The following NCOA7 variants were observed in gnomAD, a reference collection of about 807,000 sequenced individuals.
The protein encoded by NCOA7 is nuclear receptor coactivator 7, also known as 140 kDa estrogen receptor-associated protein.
A neutral mutation model predicts 104.3 loss-of-function variants in NCOA7; 45 were observed. That is an observed-to-expected ratio of 0.43 (90% CI 0.34 to 0.55). The LOEUF (loss-of-function observed/expected upper bound fraction) is 0.55. NCOA7 is among the 20% of genes least tolerant of loss of function. The pLI is 0.02. For synonymous variants in NCOA7, 398 were observed against 402.3 expected (o/e 0.99, Z 0.13); for missense variants, 1,041 against 1,119.7 (o/e 0.93, Z 1.00).
At chr6:125,829,923 C>T (rs888512088) in intron 2 of NCOA7, among the ~76,000 whole-genome samples, 17 of 152,134 alleles carry the variant, frequency 1.1e-4, no homozygotes, top group African/African-American at 3.9e-4. Context: ...AGGCATCATG[C>T]CTAATTTCAG....
At chr6:125,810,539 C>A (rs1050160821) in intron 1 of NCOA7, among the ~76,000 whole-genome samples, 17 of 152,096 alleles carry the variant, frequency 1.1e-4, no homozygotes, top group African/African-American at 3.1e-4. Context: ...TTAGATGAGT[C>A]TAGAGTGTAT....
At chr6:125,830,895 G>C (rs1462102082) in intron 2 of NCOA7, among the ~76,000 whole-genome samples, 1 of 151,846 alleles carries the variant, frequency 6.6e-6, no homozygotes, top group African/African-American at 2.4e-5. Context: ...CATCTGAATT[G>C]GAATTTTGTC....
intron 2 of NCOA7, among the ~76,000 whole-genome samples, chr6:125,839,914 T>A (rs141156852): frequency 1.3e-4 from 20 of 152,166 alleles, no homozygotes; most frequent in Middle Eastern, 3.4e-3. Flanking sequence ...TGTTACTGGT[T>A]TATGTATTTA....
rs1378473244 is a variant in NCOA7 at position 125,881,092 on chromosome 6, C to G, written c.462C>G (p.Val154=). 16 of 1,611,120 alleles carry G rather than the reference C, an allele frequency of 9.9e-6. No individual in the cohort carries two copies. Among genetic ancestry groups the G allele is most frequent in the Non-Finnish European group, 1.4e-5 (16 of 1,177,490 alleles). Residue 154 remains valine (V), a splice_region_variant and synonymous_variant, in exon 6 of 16, where the codon GTC becomes GTG. Coordinates refer to ENST00000392477, the MANE Select transcript of NCOA7 (RefSeq NM_181782.5). ...CATCTGTTCTCTCCCATTCTCAGGTCCTTTTTGTGCCAGATGCCAACTCTC... is the reference window on the plus strand; with the variant it reads ...CATCTGTTCTCTCCCATTCTCAGGTGCTTTTTGTGCCAGATGCCAACTCTC... ...LFTHTIVPGQ[V]LFVPDANSPS... is the part of the protein sequence containing the mutation.
chr6:125,869,681 C>T (rs888026819), intron 3 of NCOA7, among the ~76,000 whole-genome samples: 2 of 152,174 alleles, frequency 1.3e-5, no homozygotes, highest in South Asian at 2.1e-4. Context: ...GCTGGCTCTG[C>T]GGGTGAAAGC....
intron 1 of NCOA7, among the ~76,000 whole-genome samples, chr6:125,794,332 A>T (rs577107392): frequency 9.9e-5 from 15 of 152,262 alleles, no homozygotes; most frequent in African/African-American, 3.4e-4. Flanking sequence ...CAAATCATTG[A>T]TTATATTTCC....
At chr6:125,873,563 C>T (rs2128638436) in intron 3 of NCOA7, among the ~76,000 whole-genome samples, 1 of 152,284 alleles carries the variant, frequency 6.6e-6, no homozygotes, top group East Asian at 1.9e-4. Context: ...TTTATTTACC[C>T]TCTAGCTCCC....
Position 125,865,200 on chromosome 6 carries a change from G to C in NCOA7, c.272-9689G>C, listed in dbSNP as rs567252427. On this transcript the variant is annotated intron_variant, in intron 3 of 15. Transcript: ENST00000392477. Reference sequence around the variant, plus strand: ...AGCATGCAGCCAGGATTCATACCCTGCCCTCTTTGGCACCAAAGCCTGACT... The same window carrying C: ...AGCATGCAGCCAGGATTCATACCCTCCCCTCTTTGGCACCAAAGCCTGACT... 1.5e-3 allele frequency among the ~76,000 whole-genome samples: 211 copies of C among 138,850 alleles called. 56 individuals carry two copies. Among genetic ancestry groups the C allele is most frequent in the African/African-American group, 5.6e-3 (188 of 33,520 alleles). The allele number at this position is 138,850 out of a possible 152,430, so 91.1% of individuals were successfully genotyped here.
intron 3 of NCOA7, among the ~76,000 whole-genome samples, chr6:125,871,235 C>T (rs1002144586): frequency 2.0e-5 from 3 of 152,164 alleles, no homozygotes; most frequent in African/African-American, 7.2e-5. Context: ...AAGACAGTTG[C>T]CCTCTTTGGG....
chr6:125,853,919 G>T (rs1263896873), intron 2 of NCOA7, among the ~76,000 whole-genome samples: 1 of 152,108 alleles, frequency 6.6e-6, no homozygotes, highest in East Asian at 1.9e-4. Context: ...CTGCCAAATT[G>T]ATTTGTTTGA....
At chr6:125,789,305 C>T (rs151065996), upstream of NCOA7, among the ~76,000 whole-genome samples, 290 of 152,308 alleles carry the variant, frequency 1.9e-3, 3 homozygotes, top group African/African-American at 6.7e-3. Context: ...CCCACAGGGC[C>T]TCACACCCAA....
rs149790978 is a variant in NCOA7, at chr6:125,798,676, G to A, written c.-65+7609G>A. Reference sequence around the variant, plus strand: ...AAAAATTCTAATTTGATTTTAAGATGCATTTGCATAGAAAACAGGAAAGTG... The same window carrying A: ...AAAAATTCTAATTTGATTTTAAGATACATTTGCATAGAAAACAGGAAAGTG... On this transcript the variant is annotated intron_variant, in intron 1 of 15. Transcript: ENST00000392477. 3.9e-3 allele frequency among the ~76,000 whole-genome samples: 599 copies of A among 152,236 alleles called. 4 individuals are homozygous for A. The highest frequency in any genetic ancestry group is 0.014 in the African/African-American group (582 of 41,538).
At chr6:125,839,493 TCC>T (rs1779931080) in intron 2 of NCOA7, among the ~76,000 whole-genome samples, 5 of 152,138 alleles carry the variant, frequency 3.3e-5, no homozygotes, top group African/African-American at 1.2e-4. Context: ...GGCTGAAAGT[TCC>T]AACCTTTTAA....
rs1785201010 is a variant in NCOA7 at position 125,898,132 on chromosome 6, T to C, written c.2096+7322T>C. Among the ~76,000 whole-genome samples, 3 of 152,214 alleles carry C rather than the reference T, an allele frequency of 2.0e-5. No individual in the cohort carries two copies. The South Asian group carries it at 6.2e-4, about 31-fold the overall frequency. On this transcript the variant is annotated intron_variant, in intron 10 of 15. Coordinates refer to ENST00000392477, the MANE Select transcript of NCOA7 (RefSeq NM_181782.5). ...CTCTCTTTCTATCTTCTTTTTCTTT[T>C]TCTAAACTATTCACTCTTGGTTCTG... is the stretch of plus-strand genomic sequence containing the variant.
chr6:125,872,873 T>A (rs1305881283), intron 3 of NCOA7, among the ~76,000 whole-genome samples: 2 of 152,204 alleles, frequency 1.3e-5, no homozygotes. Flanking sequence ...GGCAGGGAGA[T>A]CATTTTTTAT....
intron 10 of NCOA7, among the ~76,000 whole-genome samples, chr6:125,904,996 A>G (rs1785845419): frequency 6.6e-6 from 1 of 152,210 alleles, no homozygotes; most frequent in Non-Finnish European, 1.5e-5. Context: ...CTTCAGCAGC[A>G]GGTAGCAGCC....
rs144077211 is a variant in NCOA7, at chr6:125,889,560, G to A, written c.1506G>A (p.Ser502=). The part of the protein sequence containing the change: ...IMPEVDKQSG[S]PESRVENTLN... Reference sequence around the variant, plus strand: ...CAGAAGTGGACAAGCAGTCTGGTTCGCCAGAAAGCCGAGTAGAAAACACAC... The same window carrying A: ...CAGAAGTGGACAAGCAGTCTGGTTCACCAGAAAGCCGAGTAGAAAACACAC... The change falls in exon 9 of 16, where the codon TCG becomes TCA. Residue 502 remains serine (S), a synonymous_variant. Coordinates refer to ENST00000392477, the MANE Select transcript of NCOA7 (RefSeq NM_181782.5). 391 of 1,614,018 alleles carry A rather than the reference G, an allele frequency of 2.4e-4. 1 individual carries two copies. In the African/African-American group the frequency reaches 3.8e-3, roughly 16 times the overall value.
chr6:125,881,661 A>T (rs1783835266), intron 6 of NCOA7, among the ~76,000 whole-genome samples: 1 of 119,134 alleles, frequency 8.4e-6, no homozygotes, highest in African/African-American at 3.6e-5. Flanking sequence ...ACAGAGTGAA[A>T]CCCTATCTCA....
chr6:125,878,768 A>G (rs975515752), intron 5 of NCOA7, among the ~76,000 whole-genome samples: 1 of 152,190 alleles, frequency 6.6e-6, no homozygotes, highest in African/African-American at 2.4e-5. Flanking sequence ...CTGTATGGTT[A>G]AGAACTTTAA....
Sources: allele counts gnomAD v4.1 joint callset (sites outside exome capture counted in the v4.1 genomes callset), GRCh38; gene constraint gnomAD v4.1.1; transcripts MANE v1.5; gene names NCBI Gene and HGNC (gene_info 2026-07-23, HGNC 2026-07-21).